DRC9: variants seen among roughly 807,000 people sequenced by gnomAD.
The protein encoded by DRC9 is dynein regulatory complex protein 9.
the DRC9 span, chr3:197,950,661 T>A: frequency 1.6e-5 from 8 of 509,472 alleles, no homozygotes; most frequent in African/African-American, 1.3e-4. Context: ...GATAACGGCA[T>A]GCATTTTCTC....
chr3:197,892,773 A>C, the DRC9 span: 1 of 1,613,812 alleles, frequency 6.2e-7, no homozygotes, highest in Admixed American at 1.7e-5. Context: ...TTTGGAAAGA[A>C]CATGAAAACA....
the DRC9 span, among the ~76,000 whole-genome samples, chr3:197,919,289 T>C: frequency 6.6e-6 from 1 of 152,322 alleles, no homozygotes; most frequent in African/African-American, 2.4e-5. Context: ...TATAAAATCC[T>C]GACAGGCTAT....
At chr3:197,889,335 A>G in the DRC9 span, 1 of 527,020 alleles carries the variant, frequency 1.9e-6, no homozygotes, top group African/African-American at 1.9e-5. Flanking sequence ...GGACTACTAG[A>G]AACTTCTTCC....
chr3:197,950,234 T>C, the DRC9 span: 1 of 1,230,884 alleles, frequency 8.1e-7, no homozygotes, highest in African/African-American at 1.6e-5. Context: ...GAGTGAAGGG[T>C]CTGCTGCTGA....
chr3:197,939,509 T>C, the DRC9 span, among the ~76,000 whole-genome samples: 1 of 152,238 alleles, frequency 6.6e-6, no homozygotes, highest in Non-Finnish European at 1.5e-5. Context: ...TTTCAGCTGA[T>C]GGTGTAAACT....
chr3:197,892,592 C>T, the DRC9 span: 1 of 1,605,326 alleles, frequency 6.2e-7, no homozygotes, highest in Non-Finnish European at 8.5e-7. Context: ...ATTCCTTTCA[C>T]TCTGTCCTCA....
the DRC9 span, among the ~76,000 whole-genome samples, chr3:197,893,842 C>G: frequency 6.6e-6 from 1 of 150,462 alleles, no homozygotes; most frequent in Non-Finnish European, 1.5e-5. Context: ...AGTGAGACTC[C>G]GTCTCAAAAA....
the DRC9 span, among the ~76,000 whole-genome samples, chr3:197,915,163 C>CAAAAAAAAAAAAAAAAAAAAAAAAA: frequency 1.4e-5 from 1 of 71,364 alleles, no homozygotes; most frequent in Non-Finnish European, 3.0e-5. Context: ...GATTCTGTCT[C>CAAAAAAAAAAAAAAAAAAAAAAAAA]AAAAAAAAAA....
chr3:197,938,801 TAGAA>T, the DRC9 span: 28 of 1,549,882 alleles, frequency 1.8e-5, 1 homozygote, highest in Admixed American at 7.0e-5. Context: ...AATAAACAAT[TAGAA>T]AGAATTTTTT....
the DRC9 span, among the ~76,000 whole-genome samples, chr3:197,917,125 G>A: frequency 7.9e-5 from 12 of 152,176 alleles, no homozygotes; most frequent in Admixed American, 2.6e-4. Context: ...AGAGCAGCCT[G>A]GGCAACACAG....
the DRC9 span, chr3:197,892,542 T>C: frequency 3.0e-4 from 431 of 1,425,258 alleles, 2 homozygotes; most frequent in East Asian, 1.8e-3. Context: ...CCTCAGTGAG[T>C]GCCCTAATTC....
At chr3:197,934,183 C>CTTTTTTGTT in the DRC9 span, among the ~76,000 whole-genome samples, 1 of 99,510 alleles carries the variant, frequency 1.0e-5, no homozygotes, top group Non-Finnish European at 1.9e-5. Flanking sequence ...CATTCTGGGT[C>CTTTTTTGTT]TTTTTTTTTT....
At chr3:197,919,977 A>G in the DRC9 span, among the ~76,000 whole-genome samples, 1 of 151,892 alleles carries the variant, frequency 6.6e-6, no homozygotes, top group Non-Finnish European at 1.5e-5. Context: ...AGGCGGGTGG[A>G]TCACTTGAGG....
At chr3:197,919,272 A>G in the DRC9 span, among the ~76,000 whole-genome samples, 1 of 152,246 alleles carries the variant, frequency 6.6e-6, no homozygotes. Context: ...GGAAACACAG[A>G]GAAAGATATA....
the DRC9 span, chr3:197,954,172 G>A: frequency 6.2e-7 from 1 of 1,613,420 alleles, no homozygotes; most frequent in Admixed American, 1.7e-5. Context: ...TAGCAAAATG[G>A]ACGTCTGATG....
At chr3:197,891,883 T>TTTTG in the DRC9 span, among the ~76,000 whole-genome samples, 2 of 152,120 alleles carry the variant, frequency 1.3e-5, no homozygotes, top group Non-Finnish European at 2.9e-5. Context: ...CAGCTGTCTT[T>TTTTG]TTTGTTTGTT....
the DRC9 span, chr3:197,958,862 A>G: frequency 6.6e-6 from 1 of 152,262 alleles, no homozygotes; most frequent in African/African-American, 2.4e-5. Context: ...CCTGTGGTTT[A>G]CAGGAAAGGG....
the DRC9 span, among the ~76,000 whole-genome samples, chr3:197,946,298 G>T: frequency 2.0e-5 from 3 of 152,090 alleles, no homozygotes; most frequent in African/African-American, 7.2e-5. Flanking sequence ...AGCCGGGCGT[G>T]GTGGCGGGTG....
the DRC9 span, among the ~76,000 whole-genome samples, chr3:197,938,317 C>CA: frequency 0.32 from 36,755 of 114,118 alleles, 6,828 homozygotes; most frequent in African/African-American, 0.57. Context: ...AACTCCATCT[C>CA]AAAAAAAAAA....
Sources: allele counts gnomAD v4.1 joint callset (sites outside exome capture counted in the v4.1 genomes callset), GRCh38; gene constraint gnomAD v4.1.1; transcripts MANE v1.5; gene names NCBI Gene and HGNC (gene_info 2026-07-23, HGNC 2026-07-21).